HAUS6: variants seen among roughly 807,000 people sequenced by gnomAD.
The protein encoded by HAUS6 is HAUS augmin-like complex subunit 6.
Under a neutral mutation model 106.8 loss-of-function variants are expected in HAUS6, and 80 were observed. The ratio of observed to expected loss-of-function variants is 0.75; its 90% CI spans 0.63 to 0.90. The LOEUF (loss-of-function observed/expected upper bound fraction) is 0.90, where lower values mean the gene tolerates loss of function less well. HAUS6 is among the 40% of genes least tolerant of loss of function. HAUS6 has a pLI of 0.00. For synonymous variants in HAUS6, 356 were observed against 379.1 expected (o/e 0.94, Z 0.71); for missense variants, 1,155 against 1,118.1 (o/e 1.03, Z -0.47).
intron 10 of HAUS6, among the ~76,000 whole-genome samples, chr9:19,077,848 C>G (rs907612681): frequency 9.9e-5 from 15 of 151,940 alleles, no homozygotes; most frequent in Non-Finnish European, 2.2e-4. Flanking sequence ...ATCCCTTGAG[C>G]CCAGGAGTTT....
Position 19,089,446 on chromosome 9 carries a change from C to G in HAUS6, c.550G>C (p.Asp184His). The change falls in exon 5 of 17, where the codon GAT becomes CAT. Residue 184 changes from aspartate (D) to histidine (H), a missense_variant. This residue lies in a region of HAUS6 where 761 missense variants were observed against 690.0 expected (regional missense o/e 1.10). Transcript: ENST00000380502. ...TCCTGATATTTTTGGGTAACACAAT[C>G]TTGTCTTTGCAAAATTTGTAAAAAT... The part of the protein sequence containing the change: ...SRFLQILQRQ[D>H]CVTQKYQENA... 1 of 1,611,488 alleles carries G rather than the reference C, an allele frequency of 6.2e-7. No homozygotes were observed. Among genetic ancestry groups the G allele is most frequent in the Non-Finnish European group, 8.5e-7 (1 of 1,177,688 alleles).
At chr9:19,069,465 G>T (rs1319477960) in intron 12 of HAUS6, among the ~76,000 whole-genome samples, 1 of 152,138 alleles carries the variant, frequency 6.6e-6, no homozygotes, top group Non-Finnish European at 1.5e-5. Flanking sequence ...AAGGCGGGTA[G>T]ATCACCTGAG....
chr9:19,078,317 A>C lies in HAUS6; in HGVS notation c.1065-15T>G, dbSNP rs776030257. ...TTATTCTATACCTATAATAGCATAA[A>C]AAAACTTTATTCAAAAGATGATACA... On this transcript the variant is annotated splice_polypyrimidine_tract_variant and intron_variant, in intron 9 of 16. Coordinates refer to ENST00000380502, the MANE Select transcript of HAUS6 (RefSeq NM_017645.5). The C allele has an allele frequency of 2.6e-5, 35 of 1,360,310 alleles. No individual in the cohort carries two copies. The highest frequency in any genetic ancestry group is 3.3e-5 in the Non-Finnish European group (32 of 971,006). 84.3% of individuals were successfully genotyped at this position (1,360,310 alleles called of 1,614,324 possible).
chr9:19,094,419 A>C (rs1564021321), intron 2 of HAUS6, 24 bp from the exon 3 acceptor site: 3 of 1,401,374 alleles, frequency 2.1e-6, no homozygotes, highest in Non-Finnish European at 3.0e-6. Context: ...ATAAAAGCGT[A>C]AGGACTATGC....
At chr9:19,091,255 G>A (rs7026929) in intron 4 of HAUS6, among the ~76,000 whole-genome samples, 56,671 of 151,202 alleles carry the variant, frequency 0.37, 11,584 homozygotes, top group Non-Finnish European at 0.45. Context: ...AGCCGAGATC[G>A]CGCCACCGCA....
chr9:19,062,092 T>G (rs1324552439), intron 14 of HAUS6, among the ~76,000 whole-genome samples: 1 of 152,206 alleles, frequency 6.6e-6, no homozygotes, highest in African/African-American at 2.4e-5. Flanking sequence ...GAATTTAGCT[T>G]GAGTGAAATG....
At chr9:19,076,353 CA>C (rs201645684) in intron 11 of HAUS6, among the ~76,000 whole-genome samples, 3 of 148,862 alleles carry the variant, frequency 2.0e-5, no homozygotes, top group African/African-American at 4.9e-5. Context: ...GACCCTGTCT[CA>C]AAAAAAAATA....
chr9:19,102,396 C>G (rs1818008793), intron 1 of HAUS6, 128 bp downstream of exon 1: 6 of 1,025,296 alleles, frequency 5.9e-6, no homozygotes, highest in Admixed American at 2.5e-5. Context: ...AACTTTGGAG[C>G]CAATGCCTGG....
At chr9:19,093,806 T>C (rs1052053009) in intron 3 of HAUS6, among the ~76,000 whole-genome samples, 3 of 152,062 alleles carry the variant, frequency 2.0e-5, no homozygotes, top group South Asian at 4.1e-4. Context: ...GAGACAGAGG[T>C]TGCAGTGAGC....
rs756575662 is a variant in HAUS6 at position 19,060,244 on chromosome 9, T to C, written c.1630-21A>G. On this transcript the variant is annotated intron_variant, in intron 14 of 16. Transcript: ENST00000380502. ...GCAACCTAAAACAGAAAAGAAAAAG[T>C]AAAGCAAAGATTACCAAGCCCATTG... 1.5e-5 allele frequency: 22 copies of C among 1,505,482 alleles called. No individual in the cohort carries two copies. The East Asian group carries it at 4.9e-4, about 34-fold the overall frequency. The allele number at this position is 1,505,482 out of a possible 1,614,324, so 93.3% of individuals were successfully genotyped here. A position where few individuals can be genotyped will look rare whatever the true frequency, so the allele number is the denominator to read the frequency against.
chr9:19,063,491 T>C, intron 13 of HAUS6, 23 bp downstream of exon 13: 1 of 1,219,790 alleles, frequency 8.2e-7, no homozygotes, highest in Non-Finnish European at 1.2e-6. Context: ...CCAGAATTAA[T>C]TGAGACTTAT....
intron 12 of HAUS6, among the ~76,000 whole-genome samples, chr9:19,066,223 A>T (rs1319136837): frequency 6.6e-6 from 1 of 152,096 alleles, no homozygotes; most frequent in African/African-American, 2.4e-5. Context: ...GGCATGAGCC[A>T]CCATGCCCAG....
chr9:19,093,830 T>C lies in HAUS6; in HGVS notation c.303+487A>G, dbSNP rs150359088. On this transcript the variant is annotated intron_variant, in intron 3 of 16. Transcript: ENST00000380502. ...GTTGCAGTGAGCCAAGATTGCGCCA[T>C]TGCACTCCAGCCTGGGTGACAGAAG... Among the ~76,000 whole-genome samples the C allele has an allele frequency of 1.0e-3, 156 of 152,078 alleles. 1 individual carries two copies. Among genetic ancestry groups the C allele is most frequent in the African/African-American group, 3.6e-3 (150 of 41,476 alleles).
Position 19,070,257 on chromosome 9 carries a change from G to C in HAUS6, c.1338C>G (p.Asp446Glu), listed in dbSNP as rs1159476065. ...QHNQENGCRG[D>E]SDTLGALHDL... is the part of the protein sequence containing the mutation. ...CATGTAGCGCTCCCAAGGTATCACT[G>C]TCTCCTCTGCAACCATTTTCTTGGT... The change falls in exon 12 of 17, where the codon GAC becomes GAG. Residue 446 changes from aspartate (D) to glutamate (E), a missense_variant. Physicochemically the swap from Asp to Glu is conservative, Grantham distance 45 (BLOSUM62 2). Transcript: ENST00000380502. 3.1e-6 allele frequency: 5 copies of C among 1,602,634 alleles called. No individual in the cohort carries two copies. Among genetic ancestry groups the C allele is most frequent in the Non-Finnish European group, 4.3e-6 (5 of 1,170,230 alleles).
At chr9:19,082,419 T>C (rs1319962294) in intron 8 of HAUS6, among the ~76,000 whole-genome samples, 1 of 139,338 alleles carries the variant, frequency 7.2e-6, no homozygotes, top group Non-Finnish European at 1.5e-5. Context: ...TTTAACAGTA[T>C]CACTCCTTAT....
intron 1 of HAUS6, among the ~76,000 whole-genome samples, chr9:19,098,337 C>G (rs951667703): frequency 6.6e-6 from 1 of 151,038 alleles, no homozygotes; most frequent in Non-Finnish European, 1.5e-5. Flanking sequence ...ACTCAGGAGG[C>G]TGAGGCAGGA....
chr9:19,058,350 G>C lies in HAUS6; in HGVS notation c.2417C>G (p.Pro806Arg). 2 of 1,613,828 alleles carry C rather than the reference G, an allele frequency of 1.2e-6. No homozygotes were observed. The highest frequency in any genetic ancestry group is 1.7e-6 in the Non-Finnish European group (2 of 1,179,834). ...EANFKLEPNS[P>R]MHGGTLLEDV... ...TTCTAGAAGAGTGCCACCATGCATA[G>C]GACTATTTGGCTCCAGTTTAAAATT... The change falls in exon 16 of 17, where the codon CCT becomes CGT. Residue 806 changes from proline (P) to arginine (R), a missense_variant. Pro to Arg is a moderately radical substitution (Grantham distance 103, BLOSUM62 -2). Around this residue, in one of 3 missense-constraint regions of HAUS6, gnomAD observed 380 missense variants for 394.8 expected, o/e 0.96. Transcript: ENST00000380502.
chr9:19,072,920 A>G (rs1320264395), intron 11 of HAUS6, among the ~76,000 whole-genome samples: 2 of 152,232 alleles, frequency 1.3e-5, no homozygotes, highest in Non-Finnish European at 2.9e-5. Flanking sequence ...CATGTAATGA[A>G]CTAACCCTCC....
chr9:19,097,252 G>C (rs539735718), intron 1 of HAUS6, among the ~76,000 whole-genome samples: 8 of 152,238 alleles, frequency 5.3e-5, no homozygotes, highest in African/African-American at 1.9e-4. Context: ...TGACAAATGG[G>C]ATCTAATTAA....
Sources: gnomAD v4.1 joint callset for allele counts (sites outside exome capture counted in the v4.1 genomes callset) on GRCh38, gnomAD v4.1.1 for gene constraint, gnomAD v4.1.1 regional missense constraint, MANE v1.5 for transcripts, NCBI Gene and HGNC (gene_info 2026-07-23, HGNC 2026-07-21) for gene names.